Variants in ARK2C observed in about 807,000 individuals in gnomAD.
The protein encoded by ARK2C is E3 ubiquitin-protein ligase ARK2C.
chr18:46,351,581 C>A, the ARK2C span, among the ~76,000 whole-genome samples: 2 of 152,228 alleles, frequency 1.3e-5, no homozygotes, highest in South Asian at 4.1e-4. Context: ...CCCCTTCCTG[C>A]TAAGCAGGAC....
At chr18:46,383,466 T>C in the ARK2C span, among the ~76,000 whole-genome samples, 4 of 151,862 alleles carry the variant, frequency 2.6e-5, no homozygotes, top group African/African-American at 9.7e-5. Context: ...GACTAGTTAA[T>C]ATCTAGCAGG....
chr18:46,362,533 C>T, the ARK2C span, among the ~76,000 whole-genome samples: 86 of 152,288 alleles, frequency 5.6e-4, no homozygotes, highest in African/African-American at 2.0e-3. Flanking sequence ...TCTGTCCCTG[C>T]AAACCCTGAA....
At chr18:46,341,056 G>A in the ARK2C span, among the ~76,000 whole-genome samples, 32 of 152,260 alleles carry the variant, frequency 2.1e-4, no homozygotes, top group African/African-American at 7.7e-4. Context: ...GGAGGCACAT[G>A]TGCAGGCCTA....
At chr18:46,334,514 G>T in the ARK2C span, 2 of 505,348 alleles carry the variant, frequency 4.0e-6, no homozygotes, top group Non-Finnish European at 6.8e-6. The surrounding 1 kb of genome is among the most constrained non-coding windows in gnomAD (Gnocchi z 4.4). Context: ...GGCCGCCCTC[G>T]TGGGAGCTTT....
At chr18:46,401,771 G>T in the ARK2C span, among the ~76,000 whole-genome samples, 44 of 152,308 alleles carry the variant, frequency 2.9e-4, no homozygotes, top group Non-Finnish European at 5.1e-4. Flanking sequence ...TTAAAGTTGA[G>T]GAGGCCTTGG....
the ARK2C span, among the ~76,000 whole-genome samples, chr18:46,440,611 C>T: frequency 2.0e-5 from 3 of 152,196 alleles, no homozygotes; most frequent in Non-Finnish European, 4.4e-5. Context: ...TGCTTTTTCA[C>T]ATCCTTACTT....
the ARK2C span, among the ~76,000 whole-genome samples, chr18:46,383,851 A>T: frequency 5.9e-5 from 9 of 152,126 alleles, no homozygotes; most frequent in African/African-American, 1.9e-4. Context: ...GCGCCCGGCC[A>T]CCATGTTGGT....
chr18:46,398,227 G>A, the ARK2C span, among the ~76,000 whole-genome samples: 1 of 150,368 alleles, frequency 6.7e-6, no homozygotes, highest in Non-Finnish European at 1.5e-5. Context: ...TGTGCCTGTG[G>A]TGTGTGTGTG....
the ARK2C span, among the ~76,000 whole-genome samples, chr18:46,369,975 G>A: frequency 2.0e-5 from 3 of 151,920 alleles, no homozygotes; most frequent in East Asian, 1.9e-4. Flanking sequence ...GCACACACAC[G>A]CACCCTAGAC....
chr18:46,360,352 A>G, the ARK2C span, among the ~76,000 whole-genome samples: 1 of 152,200 alleles, frequency 6.6e-6, no homozygotes, highest in Non-Finnish European at 1.5e-5. Context: ...GCAACAGTGC[A>G]GGTGCTCCCC....
At chr18:46,360,268 C>T in the ARK2C span, among the ~76,000 whole-genome samples, 1 of 152,220 alleles carries the variant, frequency 6.6e-6, no homozygotes, top group Non-Finnish European at 1.5e-5. Context: ...GGTCTTCACT[C>T]CTGCTGCTGG....
At chr18:46,403,575 T>C in the ARK2C span, among the ~76,000 whole-genome samples, 2 of 152,232 alleles carry the variant, frequency 1.3e-5, no homozygotes, top group South Asian at 4.1e-4. Context: ...ATGTGTCAGA[T>C]GCCTCATGAA....
the ARK2C span, among the ~76,000 whole-genome samples, chr18:46,401,962 C>A: frequency 1.3e-5 from 2 of 152,324 alleles, no homozygotes; most frequent in South Asian, 4.1e-4. Context: ...CACTACAAAT[C>A]TGATGTGAAT....
chr18:46,427,628 C>A, the ARK2C span, among the ~76,000 whole-genome samples: 1 of 152,142 alleles, frequency 6.6e-6, no homozygotes, highest in Non-Finnish European at 1.5e-5. Context: ...CTGCCTTCAA[C>A]CAGCCTCAAA....
chr18:46,402,361 TA>T, the ARK2C span, among the ~76,000 whole-genome samples: 2 of 152,220 alleles, frequency 1.3e-5, no homozygotes, highest in Non-Finnish European at 2.9e-5. Flanking sequence ...ATGGAATTGC[TA>T]GATAAAATAC....
At chr18:46,440,696 T>C in the ARK2C span, among the ~76,000 whole-genome samples, 2 of 149,236 alleles carry the variant, frequency 1.3e-5, no homozygotes, top group Admixed American at 1.3e-4. Flanking sequence ...TATTAAAATT[T>C]CTGTTATACT....
the ARK2C span, among the ~76,000 whole-genome samples, chr18:46,349,955 G>T: frequency 6.6e-6 from 1 of 152,080 alleles, no homozygotes; most frequent in Non-Finnish European, 1.5e-5. Flanking sequence ...ACAGCAGCAC[G>T]CATTCATTTA....
At chr18:46,383,291 A>T in the ARK2C span, among the ~76,000 whole-genome samples, 1 of 152,250 alleles carries the variant, frequency 6.6e-6, no homozygotes, top group Non-Finnish European at 1.5e-5. Context: ...TGAAAAATAC[A>T]ATTTTTCTAC....
chr18:46,359,999 G>A, the ARK2C span, among the ~76,000 whole-genome samples: 6 of 152,176 alleles, frequency 3.9e-5, no homozygotes, highest in Admixed American at 3.9e-4. Flanking sequence ...GCTAAGAATG[G>A]GAGGAAGAAG....
Sources: allele counts gnomAD v4.1 joint callset (sites outside exome capture counted in the v4.1 genomes callset), GRCh38; gene constraint gnomAD v4.1.1; non-coding constraint Gnocchi (gnomAD v3.1); transcripts MANE v1.5; gene names NCBI Gene and HGNC (gene_info 2026-07-23, HGNC 2026-07-21).